Variants in ADCY8 observed in about 807,000 individuals in gnomAD.
The protein encoded by ADCY8 is adenylate cyclase 8.
Under a neutral mutation model 119.7 loss-of-function variants are expected in ADCY8, and 51 were observed. The ratio of observed to expected loss-of-function variants is 0.43; its 90% CI spans 0.34 to 0.54. The LOEUF (loss-of-function observed/expected upper bound fraction) is 0.54. ADCY8 is among the 20% of genes least tolerant of loss of function. The pLI is 0.03. For synonymous variants in ADCY8, 665 were observed against 651.0 expected, an observed-to-expected ratio of 1.02 and a Z score of -0.33; for missense variants, 1,383 against 1,598.8, an observed-to-expected ratio of 0.87 and a Z score of 2.30.
chr8:130,936,380 A>G (rs1470853498), intron 5 of ADCY8, among the ~76,000 whole-genome samples: 2 of 152,164 alleles, frequency 1.3e-5, no homozygotes, highest in Admixed American at 6.5e-5. Context: ...GCCTTCTAGT[A>G]ATTTCCTATT....
At chr8:131,005,974 T>A (rs1264497664) in intron 1 of ADCY8, among the ~76,000 whole-genome samples, 1 of 152,142 alleles carries the variant, frequency 6.6e-6, no homozygotes, top group Non-Finnish European at 1.5e-5. Flanking sequence ...GTTTGCACAT[T>A]TGGTTCCCTT....
intron 2 of ADCY8, among the ~76,000 whole-genome samples, chr8:130,973,293 C>T (rs1035336215): frequency 2.6e-5 from 4 of 152,226 alleles, no homozygotes; most frequent in Admixed American, 2.6e-4. Flanking sequence ...TGATTCTTGG[C>T]TTAGTCATGC....
At chr8:130,930,255 A>AT (rs754342584) in intron 5 of ADCY8, among the ~76,000 whole-genome samples, 5,642 of 141,762 alleles carry the variant, frequency 0.04, 160 homozygotes, top group Non-Finnish European at 0.063. Flanking sequence ...CTTCTTCTAC[A>AT]TTTTTTTTTT....
chr8:130,935,240 G>A lies in ADCY8; in HGVS notation c.1481+1833C>T, dbSNP rs757918027. Among the ~76,000 whole-genome samples, 179 of 152,252 alleles carry A rather than the reference G, an allele frequency of 1.2e-3. 1 individual carries two copies. Among genetic ancestry groups the A allele is most frequent in the Non-Finnish European group, 1.9e-3 (130 of 68,014 alleles). On this transcript the variant is annotated intron_variant, in intron 5 of 17. Coordinates refer to ENST00000286355, the MANE Select transcript of ADCY8 (RefSeq NM_001115.3). The stretch of plus-strand genomic sequence containing the variant: ...CTTGGATGCATGCAGAATTACTCTG[G>A]ATCCACTTTGATCATCAAGCTGGCC...
chr8:130,967,062 GAAAA>G (rs924240179), intron 2 of ADCY8, among the ~76,000 whole-genome samples: 2 of 151,780 alleles, frequency 1.3e-5, no homozygotes, highest in Admixed American at 1.3e-4. Flanking sequence ...TTAATAATTT[GAAAA>G]AAAATTAAAA....
At chr8:130,976,421 G>C (rs1315653561) in intron 2 of ADCY8, among the ~76,000 whole-genome samples, 2 of 152,174 alleles carry the variant, frequency 1.3e-5, no homozygotes, top group African/African-American at 4.8e-5. Flanking sequence ...CATGTGGACA[G>C]ATAAAGCAAA....
intron 1 of ADCY8, among the ~76,000 whole-genome samples, chr8:131,006,571 G>A (rs1248650862): frequency 6.6e-6 from 1 of 152,132 alleles, no homozygotes; most frequent in Non-Finnish European, 1.5e-5. Flanking sequence ...CAGGATTCTA[G>A]ACCTTAGTTT....
rs778018848 is a variant in ADCY8 at position 131,040,087 on chromosome 8, G to C, written c.247C>G (p.Leu83Val). Reference sequence around the variant, plus strand: ...AGGGGCAGCGCCGAGTCGCCTGACAGCTGCGGCGCGTGGTGGTTGGGGCCG... The same window carrying C: ...AGGGGCAGCGCCGAGTCGCCTGACACCTGCGGCGCGTGGTGGTTGGGGCCG... ...GGGPNHHAPQ[L>V]SGDSALPLYS... The change falls in exon 1 of 18, where the codon CTG becomes GTG. Residue 83 changes from leucine (L) to valine (V), a missense_variant. This residue lies in a region of ADCY8 where 455 missense variants were observed against 435.3 expected (regional missense o/e 1.05). Coordinates refer to ENST00000286355, the MANE Select transcript of ADCY8 (RefSeq NM_001115.3). 1.2e-5 allele frequency: 18 copies of C among 1,531,458 alleles called. No individual in the cohort carries two copies. The highest frequency in any genetic ancestry group is 1.5e-5 in the Non-Finnish European group (17 of 1,144,912). The allele number at this position is 1,531,458 out of a possible 1,614,324, so 94.9% of individuals were successfully genotyped here.
intron 2 of ADCY8, among the ~76,000 whole-genome samples, chr8:130,973,024 C>T (rs1821969887): frequency 1.3e-5 from 2 of 152,224 alleles, no homozygotes; most frequent in East Asian, 1.9e-4. Context: ...ACTTTAAACC[C>T]TTAACATGAA....
intron 15 of ADCY8, among the ~76,000 whole-genome samples, chr8:130,788,937 A>T (rs1285030719): frequency 1.3e-5 from 2 of 152,212 alleles, no homozygotes; most frequent in Non-Finnish European, 2.9e-5. Flanking sequence ...ACCTATCATG[A>T]TTATTTCATT....
intron 7 of ADCY8, among the ~76,000 whole-genome samples, chr8:130,901,643 G>T (rs1344762206): frequency 6.6e-6 from 1 of 152,116 alleles, no homozygotes; most frequent in Non-Finnish European, 1.5e-5. Flanking sequence ...CTAGAGTTAG[G>T]CATAAGTACA....
At chr8:130,831,639 T>C (rs1298422003) in intron 12 of ADCY8, among the ~76,000 whole-genome samples, 2 of 152,208 alleles carry the variant, frequency 1.3e-5, no homozygotes, top group Non-Finnish European at 2.9e-5. Context: ...AAGGAGTCAG[T>C]GTGGTCCAGA....
At position 130,986,891 on chromosome 8, in the gene ADCY8, C is replaced by T. The variant is rs902573916; in HGVS notation, c.1110+3502G>A. On this transcript the variant is annotated intron_variant, in intron 2 of 17. Transcript: ENST00000286355. ...TTCCACTTAAGAGGTTCACAATTTG[C>T]TGCAGGATATCAGAGAAAACCTAGT... is the stretch of plus-strand genomic sequence containing the variant. 7.9e-5 allele frequency among the ~76,000 whole-genome samples: 12 copies of T among 152,158 alleles called. 1 individual carries two copies. The highest frequency in any genetic ancestry group is 7.2e-4 in the Admixed American group (11 of 15,274).
At chr8:130,792,203 C>T (rs137866809) in intron 15 of ADCY8, among the ~76,000 whole-genome samples, 217 of 152,258 alleles carry the variant, frequency 1.4e-3, no homozygotes, top group African/African-American at 5.0e-3. Context: ...TCCTACTTAG[C>T]TTCCCCAACT....
intron 7 of ADCY8, among the ~76,000 whole-genome samples, chr8:130,894,525 A>G (rs1166715687): frequency 6.6e-6 from 1 of 152,148 alleles, no homozygotes; most frequent in Non-Finnish European, 1.5e-5. Context: ...AGGTAACATA[A>G]AAGTCACACA....
At chr8:130,786,924 G>T (rs1348988085) in intron 15 of ADCY8, among the ~76,000 whole-genome samples, 4 of 152,036 alleles carry the variant, frequency 2.6e-5, no homozygotes, top group African/African-American at 9.7e-5. Flanking sequence ...GAAGCTAGGG[G>T]CATGGGAAGG....
At position 130,925,544 on chromosome 8, in the gene ADCY8, T is replaced by A. The variant is rs1820440562; in HGVS notation, c.1481+11529A>T. Among the ~76,000 whole-genome samples the A allele has an allele frequency of 2.0e-5, 3 of 152,158 alleles. No individual in the cohort carries two copies. The South Asian group carries it at 6.2e-4, about 32-fold the overall frequency. On this transcript the variant is annotated intron_variant, in intron 5 of 17. Coordinates refer to ENST00000286355, the MANE Select transcript of ADCY8 (RefSeq NM_001115.3). ...GAGGCAGGAAACAGGGTAGGTCTGT[T>A]GCTGCCTGTCAAGGGCCCCCCAACC...
At chr8:131,001,184 C>T (rs1226241750) in intron 1 of ADCY8, among the ~76,000 whole-genome samples, 2 of 152,206 alleles carry the variant, frequency 1.3e-5, no homozygotes, top group South Asian at 4.1e-4. Context: ...CGGTGATTAC[C>T]ACCTGGGCTA....
At chr8:130,963,459 G>A (rs907815571) in intron 2 of ADCY8, among the ~76,000 whole-genome samples, 2 of 152,182 alleles carry the variant, frequency 1.3e-5, no homozygotes, top group African/African-American at 4.8e-5. Flanking sequence ...GCTATGGTAT[G>A]CTGTCTTTTA....
Sources: gnomAD v4.1 joint callset for allele counts (sites outside exome capture counted in the v4.1 genomes callset) on GRCh38, gnomAD v4.1.1 for gene constraint, gnomAD v4.1.1 regional missense constraint, MANE v1.5 for transcripts, NCBI Gene and HGNC (gene_info 2026-07-23, HGNC 2026-07-21) for gene names.